The following KCNAB2 variants were observed in gnomAD, a reference collection of about 807,000 sequenced individuals.
KCNAB2 encodes the protein voltage-gated potassium channel subunit beta-2.
Under a neutral mutation model 63.6 loss-of-function variants are expected in KCNAB2, and 29 were observed. The ratio of observed to expected loss-of-function variants is 0.46; its 90% CI spans 0.34 to 0.62. The LOEUF (loss-of-function observed/expected upper bound fraction) is 0.62, where lower values mean the gene tolerates loss of function less well. KCNAB2 is among the 20% of genes least tolerant of loss of function. The pLI is 0.01. For synonymous variants in KCNAB2, 222 were observed against 224.2 expected (o/e 0.99, Z 0.09); for missense variants, 359 against 563.9 (o/e 0.64, Z 3.68).
Position 6,095,313 on chromosome 1 carries a change from G to A in KCNAB2, c.733-10G>A. The A allele has an allele frequency of 6.2e-7, 1 of 1,610,614 alleles. No individual in the cohort carries two copies. The highest frequency in any genetic ancestry group is 1.1e-5 in the South Asian group (1 of 90,506). On this transcript the variant is annotated splice_polypyrimidine_tract_variant and intron_variant, in intron 11 of 15. Coordinates refer to ENST00000378083, the MANE Select transcript of KCNAB2 (RefSeq NM_001199862.2). The stretch of plus-strand genomic sequence containing the variant: ...GCAAGGGCCCTCGGGGTCCCTTTCT[G>A]CCTTCACAGGAGGCCTACTCCGTGG...
intron 10 of KCNAB2, 54 bp from the exon 11 acceptor site, chr1:6,094,346 T>G: frequency 7.2e-7 from 1 of 1,380,796 alleles, no homozygotes; most frequent in Non-Finnish European, 1.0e-6. Flanking sequence ...GTCCCGAGGC[T>G]GGCCCTGAGC....
chr1:6,068,931 C>T lies in KCNAB2; in HGVS notation c.219-3824C>T, dbSNP rs553057400. 6.6e-5 allele frequency among the ~76,000 whole-genome samples: 10 copies of T among 152,284 alleles called. 1 individual carries two copies. The highest frequency in any genetic ancestry group is 1.9e-4 in the African/African-American group (8 of 41,556). On this transcript the variant is annotated intron_variant, in intron 2 of 15. Coordinates refer to ENST00000378083, the MANE Select transcript of KCNAB2 (RefSeq NM_001199862.2). ...CACATTCTTGCCCAAGGGCCTAAGG[C>T]GTGCTCAGTGTAGGATGGCGGGAGG... is the stretch of plus-strand genomic sequence containing the variant.
chr1:6,030,496 T>C (rs1002317122), upstream of KCNAB2, among the ~76,000 whole-genome samples: 6 of 151,708 alleles, frequency 4.0e-5, no homozygotes, highest in South Asian at 1.2e-3. Context: ...TGTCTGTGCA[T>C]TGTGTATATG....
At chr1:6,007,760 T>C (rs1249831360) in intron 1 of KCNAB2, 1 of 152,340 alleles carries the variant, frequency 6.6e-6, no homozygotes. Flanking sequence ...CTGTTGCCCT[T>C]ACCCCCGAAG....
intron 1 of KCNAB2, among the ~76,000 whole-genome samples, chr1:5,999,997 G>A (rs951201827): frequency 2.7e-5 from 4 of 149,440 alleles, no homozygotes; most frequent in African/African-American, 9.9e-5. Flanking sequence ...CTGCTCTGCT[G>A]TCTGCACCCT....
At chr1:6,002,245 C>A (rs926779200) in intron 1 of KCNAB2, among the ~76,000 whole-genome samples, 1 of 152,220 alleles carries the variant, frequency 6.6e-6, no homozygotes, top group Non-Finnish European at 1.5e-5. Context: ...CCTGGCCCAA[C>A]GGAGGCCAAC....
At position 6,096,708 on chromosome 1, in the gene KCNAB2, C is replaced by T; in HGVS notation, c.1021C>T (p.Gln341Ter). ...CCAGCAAGCCAAGCTGAAGGAGCTG[C>T]AGGCCATCGCCGAGCGCCTGGGCTG... ...RRQQAKLKEL[Q>*]AIAERLGCTL... The change falls in exon 14 of 16, where the codon CAG becomes TAG. Residue 341 changes from glutamine to a stop codon, truncating the protein, a stop_gained. Coordinates refer to ENST00000378083, the MANE Select transcript of KCNAB2 (RefSeq NM_001199862.2). LOFTEE classifies it high-confidence loss of function. This position sits in a 1 kb window ranked among gnomAD's most constrained non-coding sequence, Gnocchi z 5.9. 6.2e-7 allele frequency: 1 copy of T among 1,600,966 alleles called. No individual in the cohort carries two copies. Among genetic ancestry groups the T allele is most frequent in the Non-Finnish European group, 8.5e-7 (1 of 1,175,246 alleles).
At chr1:6,090,632 C>T (rs956336411) in intron 9 of KCNAB2, among the ~76,000 whole-genome samples, 157 bp downstream of exon 9, 3 of 152,136 alleles carry the variant, frequency 2.0e-5, no homozygotes, top group Non-Finnish European at 4.4e-5. Context: ...GGGCAGGCCT[C>T]CCCTCAGTAG....
Position 6,089,065 on chromosome 1 carries a change from C to T in KCNAB2, c.514+14C>T, listed in dbSNP as rs1458032566. 15 of 1,548,094 alleles carry T rather than the reference C, an allele frequency of 9.7e-6. No homozygotes were observed. The highest frequency in any genetic ancestry group is 2.5e-5 in the East Asian group (1 of 40,698). On this transcript the variant is annotated intron_variant, in intron 8 of 15. Coordinates refer to ENST00000378083, the MANE Select transcript of KCNAB2 (RefSeq NM_001199862.2). ...ACATAATCGAAGGTGAGGACGCGCT[C>T]GGGCACCTCAGGGCCCCCATACCTG...
intron 1 of KCNAB2, among the ~76,000 whole-genome samples, chr1:6,021,409 C>T (rs1408466602): frequency 3.3e-5 from 5 of 152,008 alleles, no homozygotes; most frequent in Admixed American, 2.0e-4. Flanking sequence ...TTCTTTTTTC[C>T]CAGTTTTTTC....
chr1:5,996,599 A>G, intron 1 of KCNAB2, among the ~76,000 whole-genome samples: 1 of 152,246 alleles, frequency 6.6e-6, no homozygotes, highest in Non-Finnish European at 1.5e-5. Context: ...CCTTGCAGGC[A>G]GCCTCCTCCA....
In KCNAB2 at chr1:6,040,061, C is replaced by T. The variant is rs1570929501; in HGVS notation, c.-52-456C>T. Among the ~76,000 whole-genome samples the T allele has an allele frequency of 3.3e-5, 5 of 152,354 alleles. No individual in the cohort carries two copies. The South Asian group carries it at 8.3e-4, about 25-fold the overall frequency. ...GGAGCTCAATGGCAGCACCAGGAAG[C>T]TGCACTGGGCTGGAGTCAGGGCAAG... On this transcript the variant is annotated intron_variant, in intron 1 of 15. Coordinates refer to the KCNAB2 transcript ENST00000164247.
upstream of KCNAB2, among the ~76,000 whole-genome samples, chr1:6,043,508 C>T (rs1660673471): frequency 6.6e-6 from 1 of 152,208 alleles, no homozygotes; most frequent in Admixed American, 6.5e-5. Flanking sequence ...AGGCTCTCAG[C>T]CCCAATTCTG....
chr1:6,038,048 T>C (rs1419089501), intron 1 of KCNAB2, among the ~76,000 whole-genome samples: 2 of 151,758 alleles, frequency 1.3e-5, no homozygotes, highest in African/African-American at 2.4e-5. Context: ...CTAATTTTTT[T>C]TGTATTTTTT....
At chr1:6,009,200 T>A (rs1448223083) in intron 1 of KCNAB2, among the ~76,000 whole-genome samples, 6 of 152,140 alleles carry the variant, frequency 3.9e-5, no homozygotes, top group African/African-American at 1.4e-4. Context: ...TCTGTAGGGG[T>A]GCTGGGCCTT....
At chr1:6,040,894 T>A (rs984126579), upstream of KCNAB2, among the ~76,000 whole-genome samples, 4 of 152,254 alleles carry the variant, frequency 2.6e-5, no homozygotes, top group Non-Finnish European at 4.4e-5. Flanking sequence ...CAGAGTAGAC[T>A]CCTTTCTTGT....
intron 1 of KCNAB2, among the ~76,000 whole-genome samples, chr1:6,040,095 T>A (rs1285471770): frequency 6.6e-6 from 1 of 152,158 alleles, no homozygotes; most frequent in Non-Finnish European, 1.5e-5. Context: ...AGGGACAGTG[T>A]CAGCGATGAC....
At chr1:6,004,490 T>A (rs1657441047) in intron 1 of KCNAB2, among the ~76,000 whole-genome samples, 1 of 152,102 alleles carries the variant, frequency 6.6e-6, no homozygotes, top group Non-Finnish European at 1.5e-5. Flanking sequence ...CAGGGTTGGT[T>A]CCCTCTGGAG....
intron 13 of KCNAB2, among the ~76,000 whole-genome samples, chr1:6,095,825 A>C (rs1000096926): frequency 1.8e-4 from 28 of 151,744 alleles, no homozygotes; most frequent in Non-Finnish European, 3.1e-4. Context: ...GGGGCTGCCC[A>C]GCCTGTGGCA....
Sources: gnomAD v4.1 joint callset for allele counts (sites outside exome capture counted in the v4.1 genomes callset) on GRCh38, gnomAD v4.1.1 for gene constraint, Gnocchi (gnomAD v3.1) non-coding constraint, MANE v1.5 for transcripts, NCBI Gene and HGNC (gene_info 2026-07-23, HGNC 2026-07-21) for gene names.